The following SLC24A2 variants were observed in gnomAD, a reference collection of about 807,000 sequenced individuals.
SLC24A2 encodes the protein sodium/potassium/calcium exchanger 2.
In SLC24A2, 36 loss-of-function variants were observed where a neutral mutation model predicts 62.0. That is an observed-to-expected ratio of 0.58 (90% CI 0.44 to 0.77). SLC24A2 has a LOEUF of 0.77. Ranked by LOEUF, SLC24A2 falls within the 30% of genes least tolerant of loss-of-function variation. SLC24A2 has a pLI of 0.00. For synonymous variants in SLC24A2, 358 were observed against 294.0 expected, an observed-to-expected ratio of 1.22 and a Z score of -2.23; for missense variants, 846 against 817.9, an observed-to-expected ratio of 1.03 and a Z score of -0.42.
At chr9:19,614,539 G>A (rs1479699473) in intron 4 of SLC24A2, among the ~76,000 whole-genome samples, 2 of 152,284 alleles carry the variant, frequency 1.3e-5, no homozygotes, top group East Asian at 3.9e-4. Flanking sequence ...ATGTTCTTTG[G>A]TATTCCTCCC....
chr9:20,220,609 G>A, the SLC24A2 span, among the ~76,000 whole-genome samples: 6 of 152,164 alleles, frequency 3.9e-5, no homozygotes, highest in Non-Finnish European at 8.8e-5. Flanking sequence ...AACCCAGAAA[G>A]GCAGTTGGTT....
the SLC24A2 span, among the ~76,000 whole-genome samples, chr9:20,153,201 T>C: frequency 9.9e-5 from 15 of 152,000 alleles, no homozygotes; most frequent in Non-Finnish European, 2.1e-4. Flanking sequence ...AGAAGGAATT[T>C]TTGTTCTTTG....
the SLC24A2 span, among the ~76,000 whole-genome samples, chr9:20,136,402 G>A: frequency 6.6e-6 from 1 of 152,098 alleles, no homozygotes; most frequent in Admixed American, 6.6e-5. Context: ...AAAAGTATAT[G>A]CAAAGGCAAA....
At chr9:19,815,647 T>C in the SLC24A2 span, among the ~76,000 whole-genome samples, 4 of 152,166 alleles carry the variant, frequency 2.6e-5, no homozygotes, top group Non-Finnish European at 4.4e-5. Flanking sequence ...AACTTTTGCC[T>C]GCAGTTTCAA....
chr9:19,760,722 T>C (rs1020376246), intron 2 of SLC24A2, among the ~76,000 whole-genome samples: 1 of 152,136 alleles, frequency 6.6e-6, no homozygotes, highest in Non-Finnish European at 1.5e-5. Context: ...CTGCATAGTA[T>C]TCCATGGTGT....
chr9:19,677,342 T>C (rs1051675890), intron 2 of SLC24A2, among the ~76,000 whole-genome samples: 1 of 152,174 alleles, frequency 6.6e-6, no homozygotes, highest in East Asian at 1.9e-4. Flanking sequence ...GAAAACCAAA[T>C]ACCACATGTT....
the SLC24A2 span, among the ~76,000 whole-genome samples, chr9:20,079,862 C>T: frequency 2.4e-4 from 37 of 152,228 alleles, no homozygotes; most frequent in Non-Finnish European, 1.0e-4. Flanking sequence ...GATATACAAT[C>T]ATGTCATCTG....
chr9:20,097,720 A>ATTTTTTTTTTTTTTT, the SLC24A2 span, among the ~76,000 whole-genome samples: 22 of 69,112 alleles, frequency 3.2e-4, 2 homozygotes, highest in East Asian at 3.3e-3. Flanking sequence ...ATCTTAAATA[A>ATTTTTTTTTTTTTTT]TTTTTTTTTT....
chr9:19,970,351 T>C, the SLC24A2 span, among the ~76,000 whole-genome samples: 1 of 152,204 alleles, frequency 6.6e-6, no homozygotes. Context: ...TTTATGTAAA[T>C]TAAAATAATT....
the SLC24A2 span, among the ~76,000 whole-genome samples, chr9:20,062,892 T>C: frequency 8.5e-6 from 1 of 118,248 alleles, no homozygotes; most frequent in Non-Finnish European, 1.7e-5. Flanking sequence ...CATGAAAATA[T>C]GCTCACCATC....
intron 2 of SLC24A2, among the ~76,000 whole-genome samples, chr9:19,749,959 A>G (rs551107124): frequency 2.0e-5 from 3 of 152,342 alleles, no homozygotes; most frequent in Admixed American, 1.3e-4. Context: ...GATCAAGTCC[A>G]GAGGAATATA....
chr9:19,854,281 G>T, the SLC24A2 span, among the ~76,000 whole-genome samples: 1 of 151,848 alleles, frequency 6.6e-6, no homozygotes, highest in Non-Finnish European at 1.5e-5. Context: ...TTTTTGAAGG[G>T]TTTTTCATGT....
the SLC24A2 span, among the ~76,000 whole-genome samples, chr9:20,151,738 G>A: frequency 6.6e-6 from 1 of 151,904 alleles, no homozygotes; most frequent in African/African-American, 2.4e-5. Flanking sequence ...AGATAACTAA[G>A]AGTAGCTCTC....
chr9:19,828,812 T>C, the SLC24A2 span, among the ~76,000 whole-genome samples: 1 of 152,162 alleles, frequency 6.6e-6, no homozygotes, highest in Non-Finnish European at 1.5e-5. Flanking sequence ...ATCAGCTGCT[T>C]TGCTGAAGTT....
the SLC24A2 span, among the ~76,000 whole-genome samples, chr9:20,067,194 A>T: frequency 2.0e-5 from 3 of 152,328 alleles, no homozygotes; most frequent in African/African-American, 7.2e-5. Context: ...ACTTAGTTAT[A>T]ATGCATTCCA....
chr9:20,071,560 C>A, the SLC24A2 span, among the ~76,000 whole-genome samples: 1 of 152,102 alleles, frequency 6.6e-6, no homozygotes, highest in South Asian at 2.1e-4. Context: ...ATGTTCTAAT[C>A]CTCAGAATTT....
At chr9:20,106,266 G>A in the SLC24A2 span, among the ~76,000 whole-genome samples, 1 of 152,094 alleles carries the variant, frequency 6.6e-6, no homozygotes, top group African/African-American at 2.4e-5. Context: ...TTCTACCAGA[G>A]GTACAAGGAG....
At chr9:19,673,930 G>T (rs932504407) in intron 2 of SLC24A2, among the ~76,000 whole-genome samples, 1 of 152,088 alleles carries the variant, frequency 6.6e-6, no homozygotes, top group Non-Finnish European at 1.5e-5. Context: ...ATATCTTGTT[G>T]TTTATTTGTT....
the SLC24A2 span, among the ~76,000 whole-genome samples, chr9:19,833,686 T>A: frequency 2.0e-5 from 3 of 152,220 alleles, no homozygotes; most frequent in African/African-American, 7.2e-5. Flanking sequence ...CAATAACCTC[T>A]GCAGACTTAA....
Sources: allele counts gnomAD v4.1 joint callset (sites outside exome capture counted in the v4.1 genomes callset), GRCh38; gene constraint gnomAD v4.1.1; transcripts MANE v1.5; gene names NCBI Gene and HGNC (gene_info 2026-07-23, HGNC 2026-07-21).